The following PPP2R5C variants were observed in gnomAD, a reference collection of about 807,000 sequenced individuals.
PPP2R5C encodes serine/threonine-protein phosphatase 2A 56 kDa regulatory subunit gamma isoform.
In PPP2R5C, 7 loss-of-function variants were observed where a neutral mutation model predicts 68.9. That is an observed-to-expected ratio of 0.10 (90% confidence interval 0.06 to 0.19). The LOEUF is 0.19. PPP2R5C is among the 10% of genes least tolerant of loss of function. The pLI, the probability that PPP2R5C is intolerant of heterozygous loss-of-function variation, is 1.00. For synonymous variants in PPP2R5C, 210 were observed against 222.2 expected, an observed-to-expected ratio of 0.95 and a Z score of 0.49; for missense variants, 348 against 641.3, an observed-to-expected ratio of 0.54 and a Z score of 4.94.
chr14:101,894,636 C>A, intron 8 of PPP2R5C, 76 bp downstream of exon 10: 2 of 1,384,870 alleles, frequency 1.4e-6, no homozygotes, highest in Non-Finnish European at 1.0e-6. Context: ...TCTGCTTCAC[C>A]AAATTGCCAT....
At chr14:101,761,727 G>T, upstream of PPP2R5C, 1 of 965,290 alleles carries the variant, frequency 1.0e-6, no homozygotes, top group Non-Finnish European at 1.2e-6. Flanking sequence ...GGCTGCCGCA[G>T]CCTCTGGGAG....
intron 1 of PPP2R5C, among the ~76,000 whole-genome samples, chr14:101,830,036 G>A (rs567532684): frequency 3.3e-5 from 5 of 152,258 alleles, no homozygotes; most frequent in South Asian, 2.1e-4. Flanking sequence ...AGCCAGAAAC[G>A]AGATTAGGAC....
Position 101,781,910 on chromosome 14 carries a change from C to T in PPP2R5C, c.94-4108C>T, listed in dbSNP as rs1566831486. Among the ~76,000 whole-genome samples, 2 of 151,978 alleles carry T rather than the reference C, an allele frequency of 1.3e-5. No individual in the cohort carries two copies. The highest frequency in any genetic ancestry group is 3.4e-3 in the Middle Eastern group (1 of 292). On this transcript the variant is annotated intron_variant, in intron 2 of 14. Coordinates refer to the PPP2R5C transcript ENST00000328724. This position sits in a 1 kb window ranked among gnomAD's most constrained non-coding sequence, Gnocchi z 6.4. ...GCACCCAGGAGCCCGCCCTAGCACC[C>T]GCTCCCGCTCCCACCTCGTCTGCGC...
At chr14:101,889,773 G>A in intron 5 of PPP2R5C, 1 of 350,078 alleles carries the variant, frequency 2.9e-6, no homozygotes, top group South Asian at 2.2e-5. Flanking sequence ...TCTACCCTTT[G>A]CAGGAACTGT....
intron 1 of PPP2R5C, chr14:101,810,238 G>T: frequency 1.7e-6 from 1 of 579,092 alleles, no homozygotes; most frequent in Non-Finnish European, 3.1e-6. Flanking sequence ...CTTGAAAGAG[G>T]CCTTGCATGC....
chr14:101,819,335 C>T (rs1047058856), intron 1 of PPP2R5C: 12 of 417,278 alleles, frequency 2.9e-5, no homozygotes, highest in Admixed American at 1.5e-4. Context: ...GTTTGCAAGG[C>T]CGTCACTGCC....
At chr14:101,784,645 G>T (rs996936758) in intron 2 of PPP2R5C, among the ~76,000 whole-genome samples, 7 of 152,140 alleles carry the variant, frequency 4.6e-5, no homozygotes, top group African/African-American at 1.7e-4. Flanking sequence ...TGACTCGTGG[G>T]GATTACAATT....
intron 1 of PPP2R5C, among the ~76,000 whole-genome samples, chr14:101,827,611 A>G (rs1040290548): frequency 7.2e-5 from 11 of 152,178 alleles, no homozygotes; most frequent in Non-Finnish European, 8.8e-5. Flanking sequence ...CTGATTCTTA[A>G]AATAGATTTG....
At chr14:101,834,331 G>A (rs575037947) in intron 1 of PPP2R5C, among the ~76,000 whole-genome samples, 6 of 152,286 alleles carry the variant, frequency 3.9e-5, no homozygotes, top group African/African-American at 1.4e-4. Context: ...CAGCAGTGAC[G>A]GCAGCACTGA....
intron 1 of PPP2R5C, among the ~76,000 whole-genome samples, chr14:101,849,052 A>G (rs1397494902): frequency 6.6e-6 from 1 of 152,218 alleles, no homozygotes; most frequent in African/African-American, 2.4e-5. Context: ...TTGATGCAAC[A>G]GTATTTTGTA....
At chr14:101,794,951 CACAT>C (rs1161336244) in intron 3 of PPP2R5C, among the ~76,000 whole-genome samples, 1 of 152,154 alleles carries the variant, frequency 6.6e-6, no homozygotes, top group Non-Finnish European at 1.5e-5. Context: ...ATTGTAAACT[CACAT>C]GTCTTTCTCT....
chr14:101,850,981 A>AAAT (rs1477591177), intron 1 of PPP2R5C, among the ~76,000 whole-genome samples: 6 of 152,206 alleles, frequency 3.9e-5, no homozygotes, highest in African/African-American at 1.4e-4. Context: ...TACTAAGAAT[A>AAAT]AATACATTTG....
intron 5 of PPP2R5C, among the ~76,000 whole-genome samples, chr14:101,883,980 C>T (rs182449767): frequency 2.0e-5 from 3 of 152,184 alleles, no homozygotes; most frequent in East Asian, 1.9e-4. Context: ...TTGACTCACA[C>T]GATCACAAGG....
At chr14:101,834,514 A>G (rs2140360851) in intron 1 of PPP2R5C, among the ~76,000 whole-genome samples, 1 of 152,354 alleles carries the variant, frequency 6.6e-6, no homozygotes, top group East Asian at 1.9e-4. Context: ...CAGCTGTTCC[A>G]GCAGAAATGG....
chr14:101,876,822 A>G (rs1244086208), intron 2 of PPP2R5C, among the ~76,000 whole-genome samples: 2 of 152,192 alleles, frequency 1.3e-5, no homozygotes, highest in African/African-American at 4.8e-5. Flanking sequence ...ACGTTTGGGA[A>G]GTGCTGTGTA....
At chr14:101,837,358 G>T (rs2041176250) in intron 1 of PPP2R5C, among the ~76,000 whole-genome samples, 1 of 151,980 alleles carries the variant, frequency 6.6e-6, no homozygotes, top group Non-Finnish European at 1.5e-5. Context: ...TGTCAGTCAG[G>T]CTAGTCCTCA....
intron 1 of PPP2R5C, chr14:101,824,024 C>T: frequency 1.6e-6 from 2 of 1,289,124 alleles, no homozygotes; most frequent in South Asian, 1.2e-5. Flanking sequence ...GCACAGTGCC[C>T]ACTTGTTCCG....
At chr14:101,817,169 G>A (rs1375134074) in intron 1 of PPP2R5C, among the ~76,000 whole-genome samples, 1 of 151,684 alleles carries the variant, frequency 6.6e-6, no homozygotes, top group East Asian at 1.9e-4. Flanking sequence ...TGTTGACCAG[G>A]ATTGTCTCGA....
intron 13 of PPP2R5C, chr14:101,921,903 T>G: frequency 1.2e-6 from 1 of 852,980 alleles, no homozygotes; most frequent in Non-Finnish European, 1.4e-6. Flanking sequence ...TACAGAACAT[T>G]CAAAGAAAAC....
Sources: gnomAD v4.1 joint callset for allele counts (sites outside exome capture counted in the v4.1 genomes callset) on GRCh38, gnomAD v4.1.1 for gene constraint, Gnocchi (gnomAD v3.1) non-coding constraint, MANE v1.5 for transcripts, NCBI Gene and HGNC (gene_info 2026-07-23, HGNC 2026-07-21) for gene names.